TMEM26: variants seen among roughly 807,000 people sequenced by gnomAD.
TMEM26 encodes the protein transmembrane protein 26.
A neutral mutation model predicts 28.8 loss-of-function variants in TMEM26; 38 were observed. The observed-to-expected ratio is 1.32, with a 90% confidence interval of 1.02 to 1.73. The LOEUF (loss-of-function observed/expected upper bound fraction) is 1.73. Among genes scored for constraint, TMEM26 ranks in the 40% most tolerant of loss-of-function variants. The probability of loss-of-function intolerance (pLI) is 0.00; values close to 1 mark genes in which losing one functional copy is unlikely to be tolerated. For synonymous variants in TMEM26, 227 were observed against 182.9 expected (o/e 1.24, Z -1.95); for missense variants, 518 against 447.1 (o/e 1.16, Z -1.43).
intron 1 of TMEM26, among the ~76,000 whole-genome samples, chr10:61,441,903 A>T (rs181369725): frequency 6.6e-6 from 1 of 152,072 alleles, no homozygotes; most frequent in Non-Finnish European, 1.5e-5. Flanking sequence ...TTTTCCATGA[A>T]GTTGTGTTTT....
intron 1 of TMEM26, among the ~76,000 whole-genome samples, chr10:61,439,191 C>T (rs1029431099): frequency 3.3e-5 from 5 of 152,196 alleles, no homozygotes; most frequent in African/African-American, 1.2e-4. Context: ...AAAGGCACAG[C>T]AGGAATTAAT....
Position 61,453,095 on chromosome 10 carries a change from C to T in TMEM26, c.-14G>A, listed in dbSNP as rs747957236. ...CAGTCCCTCCATGCTGGCCGGAGCACTCTGCCTACGTCCCCTTGCCTGCGC... is the reference window on the plus strand; with the variant it reads ...CAGTCCCTCCATGCTGGCCGGAGCATTCTGCCTACGTCCCCTTGCCTGCGC... On this transcript the variant is annotated 5_prime_UTR_variant, in exon 1 of 6. It adds an upstream start codon to the 5' untranslated region. Coordinates refer to ENST00000399298, the MANE Select transcript of TMEM26 (RefSeq NM_178505.8). The T allele has an allele frequency of 6.2e-7, 1 of 1,609,550 alleles. No individual in the cohort carries two copies. The highest frequency in any genetic ancestry group is 8.5e-7 in the Non-Finnish European group (1 of 1,178,104).
intron 4 of TMEM26, among the ~76,000 whole-genome samples, chr10:61,417,770 G>A (rs1839677767): frequency 6.6e-6 from 1 of 152,022 alleles, no homozygotes; most frequent in Non-Finnish European, 1.5e-5. Context: ...CTCCAAAGGT[G>A]TGAATGGCCA....
chr10:61,453,078 C>A lies in TMEM26; in HGVS notation c.4G>T (p.Glu2Ter). 1 of 1,611,994 alleles carries A rather than the reference C, an allele frequency of 6.2e-7. No homozygotes were observed. The highest frequency in any genetic ancestry group is 8.5e-7 in the Non-Finnish European group (1 of 1,179,186). Residue 2 changes from glutamate to a stop codon, truncating the protein, a stop_gained, in exon 1 of 6, where the codon GAG becomes TAG. Coordinates refer to ENST00000399298, the MANE Select transcript of TMEM26 (RefSeq NM_178505.8). LOFTEE classifies it high-confidence loss of function. M[E>*]GLVFLNALAT... Reference sequence around the variant, plus strand: ...AGGGCGTTAAGGAAGACCAGTCCCTCCATGCTGGCCGGAGCACTCTGCCTA... The same window carrying A: ...AGGGCGTTAAGGAAGACCAGTCCCTACATGCTGGCCGGAGCACTCTGCCTA...
intron 1 of TMEM26, among the ~76,000 whole-genome samples, chr10:61,449,809 C>T (rs1360227556): frequency 6.6e-6 from 1 of 151,756 alleles, no homozygotes; most frequent in Non-Finnish European, 1.5e-5. Context: ...TCCCTTTCTC[C>T]TCCTCCTTTG....
chr10:61,425,346 A>G (rs1236735274), intron 4 of TMEM26, among the ~76,000 whole-genome samples: 1 of 152,178 alleles, frequency 6.6e-6, no homozygotes, highest in Non-Finnish European at 1.5e-5. Context: ...GCCAAACCAT[A>G]TCAATAAGAA....
At chr10:61,422,764 GA>G (rs1295636866) in intron 4 of TMEM26, among the ~76,000 whole-genome samples, 6 of 151,300 alleles carry the variant, frequency 4.0e-5, no homozygotes, top group South Asian at 2.1e-4. Flanking sequence ...GAAGAAATTA[GA>G]AAAAAAAGAA....
intron 2 of TMEM26, among the ~76,000 whole-genome samples, chr10:61,433,280 A>G (rs1328484731): frequency 6.6e-6 from 1 of 152,124 alleles, no homozygotes; most frequent in Non-Finnish European, 1.5e-5. Context: ...ACTGGCCTCT[A>G]CATTGGGACT....
At chr10:61,436,064 C>T (rs535833593) in intron 2 of TMEM26, 106 bp downstream of exon 2, 96 of 540,382 alleles carry the variant, frequency 1.8e-4, no homozygotes, top group African/African-American at 1.8e-3. Context: ...TCAATTCTTG[C>T]TAACTCCAGT....
chr10:61,436,116 G>C (rs1840001622), intron 2 of TMEM26, 54 bp downstream of exon 2: 1 of 1,157,210 alleles, frequency 8.6e-7, no homozygotes. Context: ...GGATCATACT[G>C]TGAAAGTAGC....
Position 61,429,012 on chromosome 10 carries a change from T to C in TMEM26, c.519A>G (p.Gln173=), listed in dbSNP as rs373612107. 2 of 1,613,210 alleles carry C rather than the reference T, an allele frequency of 1.2e-6. No homozygotes were observed. Among genetic ancestry groups the C allele is most frequent in the Non-Finnish European group, 1.7e-6 (2 of 1,179,470 alleles). ...LPIGGGITRD[Q]LSQLLLMFVG... ...CAAACATAAGAAGAAGTTGAGAGAG[T>C]TGATCTCGAGTGATCCCGCCTCCAA... The change falls in exon 4 of 6, where the codon CAA becomes CAG. Residue 173 remains glutamine (Q), a synonymous_variant. Coordinates refer to ENST00000399298, the MANE Select transcript of TMEM26 (RefSeq NM_178505.8).
chr10:61,410,548 A>C lies in TMEM26; in HGVS notation c.881T>G (p.Phe294Cys). 6.2e-7 allele frequency: 1 copy of C among 1,614,100 alleles called. No homozygotes were observed. The highest frequency in any genetic ancestry group is 2.2e-5 in the East Asian group (1 of 44,852). The part of the protein sequence containing the change: ...QMLVFFAAKN[F>C]LVVVLQLYRL... ...GTAGAGTTGCAACACCACCACGAGG[A>C]AGTTCTTCGCGGCAAAGAACACCAG... The change falls in exon 6 of 6, where the codon TTC becomes TGC. Residue 294 changes from phenylalanine to cysteine, a missense_variant. Physicochemically the swap from Phe to Cys is radical, Grantham distance 205 (BLOSUM62 -2). Coordinates refer to ENST00000399298, the MANE Select transcript of TMEM26 (RefSeq NM_178505.8).
chr10:61,430,807 G>C, intron 3 of TMEM26, among the ~76,000 whole-genome samples: 1 of 151,948 alleles, frequency 6.6e-6, no homozygotes, highest in East Asian at 1.9e-4. Flanking sequence ...GGCTGTACAT[G>C]AGTACAGAGT....
chr10:61,443,413 G>A (rs879591724), intron 1 of TMEM26, among the ~76,000 whole-genome samples: 38 of 151,876 alleles, frequency 2.5e-4, no homozygotes, highest in Middle Eastern at 6.8e-3. Context: ...AGCAGTGAGC[G>A]GAGATTGGGT....
At chr10:61,430,752 G>A (rs540103751) in intron 3 of TMEM26, among the ~76,000 whole-genome samples, 3 of 152,032 alleles carry the variant, frequency 2.0e-5, no homozygotes, top group Non-Finnish European at 2.9e-5. Context: ...GTTTATCAGT[G>A]TTAACAAACG....
At position 61,406,973 on chromosome 10, in the gene TMEM26, A is replaced by G. The variant is rs1375746964; in HGVS notation, c.*3349T>C. 1 of 152,024 alleles carries G rather than the reference A, an allele frequency of 6.6e-6. No individual in the cohort carries two copies. The highest frequency in any genetic ancestry group is 1.5e-5 in the Non-Finnish European group (1 of 67,986). The allele number at this position is 152,024 out of a possible 1,614,324, so 9.4% of individuals were successfully genotyped here. On this transcript the variant is annotated 3_prime_UTR_variant, in exon 6 of 6. Transcript: ENST00000399298. Reference sequence around the variant, plus strand: ...AAAGCCAAGTCTGAAATTAGAAAAAAAAAAAATCCCCTTTTTTTCTTGTAA... The same window carrying G: ...AAAGCCAAGTCTGAAATTAGAAAAAGAAAAAATCCCCTTTTTTTCTTGTAA...
At chr10:61,420,917 C>A in intron 4 of TMEM26, among the ~76,000 whole-genome samples, 1 of 152,016 alleles carries the variant, frequency 6.6e-6, no homozygotes, top group East Asian at 1.9e-4. Flanking sequence ...TAGATATTTT[C>A]TAATATCTTT....
rs761177888 is a variant in TMEM26, at chr10:61,452,852, A to G, written c.191+39T>C. 4 of 1,598,206 alleles carry G rather than the reference A, an allele frequency of 2.5e-6. No individual in the cohort carries two copies. In the South Asian group the frequency reaches 4.4e-5, roughly 18 times the overall value. On this transcript the variant is annotated intron_variant, in intron 1 of 5. Transcript: ENST00000399298. ...CGAGTGCGGTGGGGGACAATACCCT[A>G]GGGCCCCGTGCGCCCTCGCTTTCCC... is the stretch of plus-strand genomic sequence containing the variant.
chr10:61,453,104 C>T lies in TMEM26; in HGVS notation c.-23G>A, dbSNP rs1218530088. On this transcript the variant is annotated 5_prime_UTR_variant, in exon 1 of 6. Coordinates refer to ENST00000399298, the MANE Select transcript of TMEM26 (RefSeq NM_178505.8). The stretch of plus-strand genomic sequence containing the variant: ...CATGCTGGCCGGAGCACTCTGCCTA[C>T]GTCCCCTTGCCTGCGCCCCCAGGAC... The T allele has an allele frequency of 3.1e-6, 5 of 1,604,276 alleles. No individual in the cohort carries two copies. The highest frequency in any genetic ancestry group is 4.3e-6 in the Non-Finnish European group (5 of 1,174,810).
Sources: allele counts gnomAD v4.1 joint callset (sites outside exome capture counted in the v4.1 genomes callset), GRCh38; gene constraint gnomAD v4.1.1; transcripts MANE v1.5; gene names NCBI Gene and HGNC (gene_info 2026-07-23, HGNC 2026-07-21).